Variants in DAAM1 observed in about 807,000 individuals in gnomAD.
DAAM1 encodes the protein dishevelled associated activator of morphogenesis 1.
DAAM1 carries 52 observed loss-of-function variants against 130.0 expected under a neutral mutation model. The ratio of observed to expected loss-of-function variants is 0.40; its 90% confidence interval spans 0.32 to 0.50. DAAM1 has a LOEUF of 0.50. DAAM1 is among the 20% of genes least tolerant of loss of function. The pLI is 0.61. For synonymous variants in DAAM1, 452 were observed against 444.5 expected (o/e 1.02, Z -0.21); for missense variants, 1,134 against 1,303.8 (o/e 0.87, Z 2.01).
At chr14:59,192,977 A>G (rs1185725882) in intron 1 of DAAM1, among the ~76,000 whole-genome samples, 1 of 152,230 alleles carries the variant, frequency 6.6e-6, no homozygotes, top group African/African-American at 2.4e-5. Context: ...GTCCTGAACC[A>G]GGGAGGCGGA....
intron 3 of DAAM1, among the ~76,000 whole-genome samples, chr14:59,311,120 C>T (rs1884575669): frequency 6.6e-6 from 1 of 152,182 alleles, no homozygotes; most frequent in African/African-American, 2.4e-5. Context: ...TCACCTATAT[C>T]AACAGAAGAC....
chr14:59,234,412 A>T lies in DAAM1; in HGVS notation c.-37-29029A>T, dbSNP rs113977279. Among the ~76,000 whole-genome samples the T allele has an allele frequency of 1.6e-3, 248 of 152,254 alleles. 2 individuals carry two copies. The highest frequency in any genetic ancestry group is 5.6e-3 in the African/African-American group (231 of 41,524). On this transcript the variant is annotated intron_variant, in intron 1 of 24. Coordinates refer to ENST00000360909, the MANE Select transcript of DAAM1 (RefSeq NM_001270520.2). ...AGCAATTGTGAATGGCAGTTTATTC[A>T]AGATTTGGCTCTCTGCTTGTCTATT...
chr14:59,236,718 G>A (rs1279920852), intron 1 of DAAM1, among the ~76,000 whole-genome samples: 2 of 152,046 alleles, frequency 1.3e-5, no homozygotes, highest in South Asian at 2.1e-4. Flanking sequence ...GATGACTCAG[G>A]GTGGGTAACG....
At chr14:59,217,986 G>T (rs1336990081) in intron 1 of DAAM1, among the ~76,000 whole-genome samples, 1 of 151,352 alleles carries the variant, frequency 6.6e-6, no homozygotes, top group Non-Finnish European at 1.5e-5. Flanking sequence ...AAAAAAAAAG[G>T]ATCAGGTATA....
At chr14:59,236,113 A>T (rs563810896) in intron 1 of DAAM1, among the ~76,000 whole-genome samples, 145 of 152,190 alleles carry the variant, frequency 9.5e-4, no homozygotes, top group Non-Finnish European at 1.9e-3. Context: ...TTATTCATTC[A>T]TTTATTTATT....
chr14:59,304,344 C>T (rs764108834), intron 3 of DAAM1, among the ~76,000 whole-genome samples: 20 of 152,178 alleles, frequency 1.3e-4, no homozygotes, highest in Non-Finnish European at 2.8e-4. Flanking sequence ...TTCAGAATTT[C>T]TCCTCTTTGT....
intron 3 of DAAM1, among the ~76,000 whole-genome samples, chr14:59,293,123 C>T (rs1021954932): frequency 6.6e-6 from 1 of 152,080 alleles, no homozygotes; most frequent in Non-Finnish European, 1.5e-5. Context: ...TATTTTGGCT[C>T]ATCCTAGTGT....
At chr14:59,327,245 C>T (rs1243957388) in intron 12 of DAAM1, among the ~76,000 whole-genome samples, 2 of 151,918 alleles carry the variant, frequency 1.3e-5, no homozygotes, top group Admixed American at 6.6e-5. Context: ...ATTTGCTGTT[C>T]AGTATTCCTT....
chr14:59,232,633 C>CTTTTTTT (rs199972715), intron 1 of DAAM1, among the ~76,000 whole-genome samples: 4 of 146,696 alleles, frequency 2.7e-5, no homozygotes, highest in Non-Finnish European at 1.5e-5. Flanking sequence ...AAAATTTTCT[C>CTTTTTTT]TTTTTTTTTT....
At chr14:59,219,706 AAAC>A (rs1888710805) in intron 1 of DAAM1, among the ~76,000 whole-genome samples, 1 of 152,226 alleles carries the variant, frequency 6.6e-6, no homozygotes, top group Non-Finnish European at 1.5e-5. Flanking sequence ...ATATGTTCAT[AAAC>A]ATCATATAAA....
intron 1 of DAAM1, among the ~76,000 whole-genome samples, chr14:59,254,178 G>T (rs1294416809): frequency 1.3e-5 from 2 of 152,114 alleles, no homozygotes; most frequent in Non-Finnish European, 2.9e-5. Flanking sequence ...GACTTTAGGG[G>T]TCATTACACC....
intron 22 of DAAM1, among the ~76,000 whole-genome samples, chr14:59,361,439 G>C (rs1340640380): frequency 5.3e-5 from 8 of 152,156 alleles, no homozygotes; most frequent in Non-Finnish European, 1.2e-4. Flanking sequence ...AGGAAGCAGC[G>C]GGTTGAGGGT....
chr14:59,245,550 T>TA (rs1327996071), intron 1 of DAAM1, among the ~76,000 whole-genome samples: 1 of 152,140 alleles, frequency 6.6e-6, no homozygotes, highest in Non-Finnish European at 1.5e-5. Flanking sequence ...ACCCAGCAAG[T>TA]AGATGTTCTA....
chr14:59,274,883 G>A (rs1882890247), intron 2 of DAAM1, among the ~76,000 whole-genome samples: 1 of 152,194 alleles, frequency 6.6e-6, no homozygotes, highest in Admixed American at 6.5e-5. Flanking sequence ...CAGATTAAAA[G>A]GATAAGGGTG....
chr14:59,224,827 A>T (rs1888886384), intron 1 of DAAM1, among the ~76,000 whole-genome samples: 1 of 152,190 alleles, frequency 6.6e-6, no homozygotes, highest in Non-Finnish European at 1.5e-5. Context: ...TCATTGGGTC[A>T]TGATGGCTCT....
At chr14:59,209,958 A>C (rs1372208755) in intron 1 of DAAM1, among the ~76,000 whole-genome samples, 2 of 150,764 alleles carry the variant, frequency 1.3e-5, no homozygotes, top group African/African-American at 4.8e-5. Flanking sequence ...TCTCTACAAA[A>C]ATTAAAGAAA....
rs966025241 is a variant in DAAM1 at position 59,368,995 on chromosome 14, A to AT, written c.*137dup. 5 of 689,406 alleles carry AT rather than the reference A, an allele frequency of 7.3e-6. No individual in the cohort carries two copies. Among genetic ancestry groups the AT allele is most frequent in the Non-Finnish European group, 1.2e-5 (5 of 414,414 alleles). 42.7% of individuals were successfully genotyped at this position (689,406 alleles called of 1,614,324 possible). A position where few individuals can be genotyped will look rare whatever the true frequency, so the allele number is the denominator to read the frequency against. On this transcript the variant is annotated 3_prime_UTR_variant, in exon 25 of 25. Transcript: ENST00000360909. ...TGTGAGTGAATGTGTGAACGTGTGT[A>AT]TGTAAATGTATGTGTGTATATATTA...
chr14:59,320,375 T>C (rs1239557751), intron 4 of DAAM1, 115 bp from the exon 5 acceptor site: 1 of 805,224 alleles, frequency 1.2e-6, no homozygotes, highest in Non-Finnish European at 1.9e-6. Context: ...TACTTAATCA[T>C]AGATTTGTTG....
intron 22 of DAAM1, chr14:59,362,987 T>TAAGA (rs976473490): frequency 8.5e-5 from 13 of 152,362 alleles, no homozygotes; most frequent in Admixed American, 3.9e-4. Context: ...GAACTTTAAA[T>TAAGA]AAGAATGTGC....
Sources: allele counts gnomAD v4.1 joint callset (sites outside exome capture counted in the v4.1 genomes callset), GRCh38; gene constraint gnomAD v4.1.1; transcripts MANE v1.5; gene names NCBI Gene and HGNC (gene_info 2026-07-23, HGNC 2026-07-21).